Variants in AK9 observed in about 807,000 individuals in gnomAD.
The protein encoded by AK9 is adenylate kinase 9, also known as adenylate kinase domain containing 1.
Under a neutral mutation model 239.6 loss-of-function variants are expected in AK9, and 191 were observed. That is an observed-to-expected ratio of 0.80 (90% CI 0.71 to 0.90). The LOEUF (loss-of-function observed/expected upper bound fraction) is 0.90. Among genes scored for constraint, AK9 ranks in the 40% least tolerant of loss-of-function variants. AK9 has a pLI of 0.00. For missense variants in AK9, 1,995 were observed against 2,214.7 expected (o/e 0.90, Z 1.99); for synonymous variants, 689 against 721.0 (o/e 0.96, Z 0.71).
chr6:109,602,152 T>C (rs139709770), intron 17 of AK9, among the ~76,000 whole-genome samples: 3 of 151,978 alleles, frequency 2.0e-5, no homozygotes, highest in Admixed American at 1.3e-4. Flanking sequence ...CATTAGTTGA[T>C]AGTTTCTTCC....
At chr6:109,557,427 T>C (rs747775071) in intron 24 of AK9, among the ~76,000 whole-genome samples, 5 of 152,126 alleles carry the variant, frequency 3.3e-5, no homozygotes, top group African/African-American at 4.8e-5. Flanking sequence ...ATCGCTCCTG[T>C]ATAGAATGTC....
chr6:109,579,617 T>C lies in AK9; in HGVS notation c.2124A>G (p.Thr708=). ...KKEEEEARKA[T]EEELRLEEEN... ...CTTCTTCGAGTCTCAATTCCTCTTC[T>C]GTGGCTTTTCTGAAATGAAAAGGTT... The change falls in exon 20 of 41, where the codon ACA becomes ACG. Residue 708 remains threonine, a synonymous_variant. Coordinates refer to ENST00000424296, the MANE Select transcript of AK9 (RefSeq NM_001145128.3). 2 of 1,550,886 alleles carry C rather than the reference T, an allele frequency of 1.3e-6. No individual in the cohort carries two copies. Among genetic ancestry groups the C allele is most frequent in the Non-Finnish European group, 1.7e-6 (2 of 1,146,670 alleles).
intron 35 of AK9, among the ~76,000 whole-genome samples, chr6:109,501,850 TGAATGTCTTTGTGC>T: frequency 6.6e-6 from 1 of 152,342 alleles, no homozygotes; most frequent in South Asian, 2.1e-4. Context: ...TGGGATCTCC[TGAATGTCTTTGTGC>T]CTGTTTCACA....
intron 7 of AK9, 81 bp from the exon 8 acceptor site, chr6:109,656,965 C>T (rs980288318): frequency 4.0e-6 from 6 of 1,495,644 alleles, no homozygotes; most frequent in African/African-American, 2.8e-5. Flanking sequence ...ACTCCTTACA[C>T]CTAGATATCA....
At chr6:109,517,239 C>T (rs1440290798) in intron 29 of AK9, among the ~76,000 whole-genome samples, 2 of 152,136 alleles carry the variant, frequency 1.3e-5, no homozygotes, top group Non-Finnish European at 2.9e-5. Flanking sequence ...TCTCTACACC[C>T]TATTTTGTCT....
At chr6:109,659,643 A>C (rs976267961) in intron 6 of AK9, among the ~76,000 whole-genome samples, 1 of 152,168 alleles carries the variant, frequency 6.6e-6, no homozygotes, top group Non-Finnish European at 1.5e-5. Context: ...ATATAGGTGA[A>C]AAAGTATTAC....
chr6:109,572,147 A>T (rs1271427890), intron 21 of AK9, among the ~76,000 whole-genome samples: 1 of 152,178 alleles, frequency 6.6e-6, no homozygotes, highest in East Asian at 1.9e-4. Flanking sequence ...ATGATTACTT[A>T]TTTCTTGGGT....
At chr6:109,664,929 A>T (rs903048671) in intron 5 of AK9, among the ~76,000 whole-genome samples, 2 of 151,678 alleles carry the variant, frequency 1.3e-5, no homozygotes, top group Non-Finnish European at 2.9e-5. Context: ...AATCCCAGCT[A>T]CTCGGGAGGC....
intron 12 of AK9, 182 bp downstream of exon 12, chr6:109,632,741 G>T: frequency 7.7e-7 from 1 of 1,294,434 alleles, no homozygotes; most frequent in Non-Finnish European, 9.9e-7. Flanking sequence ...ACAACAAAAA[G>T]AATGCCTACC....
intron 25 of AK9, among the ~76,000 whole-genome samples, chr6:109,547,717 A>T (rs938250104): frequency 6.6e-6 from 1 of 152,046 alleles, no homozygotes; most frequent in African/African-American, 2.4e-5. Context: ...ACCTAAAAAA[A>T]CCTCTGTATC....
intron 21 of AK9, among the ~76,000 whole-genome samples, chr6:109,570,055 A>T (rs1583051750): frequency 6.6e-6 from 1 of 152,352 alleles, no homozygotes; most frequent in East Asian, 1.9e-4. Context: ...GATAGACTGA[A>T]TTAAGAAAAT....
intron 28 of AK9, among the ~76,000 whole-genome samples, chr6:109,531,780 G>A (rs374694278): frequency 6.6e-6 from 1 of 152,104 alleles, no homozygotes; most frequent in South Asian, 2.1e-4. Context: ...AGAATCTCTC[G>A]CATAGCAGAC....
chr6:109,612,008 A>G lies in AK9; in HGVS notation c.1693+2T>C. 1 of 1,489,832 alleles carries G rather than the reference A, an allele frequency of 6.7e-7. No individual in the cohort carries two copies. The highest frequency in any genetic ancestry group is 9.1e-7 in the Non-Finnish European group (1 of 1,103,294). 92.3% of individuals were successfully genotyped at this position (1,489,832 alleles called of 1,614,324 possible). On this transcript the variant is annotated splice_donor_variant, in intron 16 of 40. Transcript: ENST00000424296. LOFTEE classifies it high-confidence loss of function. ...AATCAAATTATACAAATATTAATTT[A>G]CCTGTATCTGAATACAACTTTACAT...
intron 17 of AK9, among the ~76,000 whole-genome samples, chr6:109,608,254 G>A (rs1266163321): frequency 6.6e-6 from 1 of 150,654 alleles, no homozygotes; most frequent in African/African-American, 2.4e-5. Context: ...ACTCCAGCCT[G>A]GGTGACAGAG....
chr6:109,544,547 ACT>A (rs1783291342), intron 26 of AK9, among the ~76,000 whole-genome samples: 2 of 151,680 alleles, frequency 1.3e-5, no homozygotes, highest in African/African-American at 4.8e-5. Context: ...CTCCCACCTC[ACT>A]CTCTTTCTCC....
chr6:109,623,904 C>CACACACACACA (rs772870675), intron 12 of AK9, among the ~76,000 whole-genome samples: 1 of 124,300 alleles, frequency 8.0e-6, no homozygotes, highest in Non-Finnish European at 1.6e-5. Flanking sequence ...CACACACACA[C>CACACACACACA]ATTTCTTCTC....
At chr6:109,568,063 CA>C (rs1383732794) in intron 21 of AK9, among the ~76,000 whole-genome samples, 6 of 152,056 alleles carry the variant, frequency 3.9e-5, no homozygotes, top group African/African-American at 1.4e-4. Context: ...AGCAGCACAT[CA>C]AAAAGCTTAT....
At chr6:109,561,514 A>T (rs1785776840) in intron 24 of AK9, among the ~76,000 whole-genome samples, 1 of 151,120 alleles carries the variant, frequency 6.6e-6, no homozygotes. Context: ...GGGTTTCGCC[A>T]TGTTGCCCAG....
chr6:109,633,858 G>A (rs9386828), intron 10 of AK9, among the ~76,000 whole-genome samples: 31,576 of 152,086 alleles, frequency 0.21, 3,457 homozygotes, highest in South Asian at 0.34. Flanking sequence ...GTGACCTCCA[G>A]ATAAGTTAAG....
Sources: allele counts gnomAD v4.1 joint callset (sites outside exome capture counted in the v4.1 genomes callset), GRCh38; gene constraint gnomAD v4.1.1; transcripts MANE v1.5; gene names NCBI Gene and HGNC (gene_info 2026-07-23, HGNC 2026-07-21).